NKAIN3: variants seen among roughly 807,000 people sequenced by gnomAD.
NKAIN3 encodes the protein sodium/potassium transporting ATPase interacting 3, also known as sodium/potassium-transporting ATPase subunit beta-1-interacting protein 3.
Under a neutral mutation model 30.2 loss-of-function variants are expected in NKAIN3, and 25 were observed. The observed-to-expected ratio is 0.83, with a 90% CI of 0.60 to 1.16. The LOEUF (loss-of-function observed/expected upper bound fraction) is 1.16. Among genes scored for constraint, NKAIN3 ranks in the 50% most tolerant of loss-of-function variants. The probability of loss-of-function intolerance (pLI) is 0.00; values close to 1 mark genes in which losing one functional copy is unlikely to be tolerated. For missense variants in NKAIN3, 225 were observed against 254.1 expected, an observed-to-expected ratio of 0.89 and a Z score of 0.78; for synonymous variants, 91 against 89.6, an observed-to-expected ratio of 1.02 and a Z score of -0.09.
intron 5 of NKAIN3, among the ~76,000 whole-genome samples, chr8:62,941,169 G>A (rs1011925890): frequency 6.6e-6 from 1 of 151,924 alleles, no homozygotes; most frequent in African/African-American, 2.4e-5. Context: ...ATAAATTCCT[G>A]GAAATATGCA....
intron 1 of NKAIN3, among the ~76,000 whole-genome samples, chr8:62,498,137 C>G (rs923629788): frequency 2.6e-5 from 4 of 151,988 alleles, no homozygotes; most frequent in African/African-American, 9.7e-5. Flanking sequence ...TAATATTTAG[C>G]CCAGATTGGT....
chr8:62,292,055 C>T (rs1473668984), intron 1 of NKAIN3, among the ~76,000 whole-genome samples: 10 of 152,128 alleles, frequency 6.6e-5, no homozygotes, highest in African/African-American at 2.4e-4. Flanking sequence ...ACTAGGATTA[C>T]AACCCCTGCT....
At chr8:62,500,453 GAAAGAAAGAAAGAA>G (rs1351318943) in intron 1 of NKAIN3, among the ~76,000 whole-genome samples, 3 of 119,468 alleles carry the variant, frequency 2.5e-5, no homozygotes, top group Non-Finnish European at 5.1e-5. Context: ...AAGAAAGAAA[GAAAGAAAGAAAGAA>G]AGAAAGAAAG....
At chr8:62,392,091 T>A (rs909206031) in intron 1 of NKAIN3, among the ~76,000 whole-genome samples, 1 of 151,910 alleles carries the variant, frequency 6.6e-6, no homozygotes, top group Admixed American at 6.6e-5. Context: ...AGAAACAAAA[T>A]TGACAAACTA....
chr8:62,870,733 CTATA>C (rs1194072621), intron 4 of NKAIN3, among the ~76,000 whole-genome samples: 1 of 140,240 alleles, frequency 7.1e-6, no homozygotes, highest in Non-Finnish European at 1.5e-5. Flanking sequence ...ATCTATATAT[CTATA>C]TATATCTAGA....
rs888395543 is a variant in NKAIN3, at chr8:62,952,231, T to C, written c.533-1671T>C. Among the ~76,000 whole-genome samples the C allele has an allele frequency of 5.9e-5, 9 of 152,174 alleles. No homozygotes were observed. The East Asian group carries it at 1.7e-3, about 29-fold the overall frequency. On this transcript the variant is annotated intron_variant, in intron 5 of 6. Transcript: ENST00000623646. ...ATTTTGTGGAAATAATACAATACAA[T>C]TTTTGTGAAGTACAACATATGGGTT...
At chr8:62,541,893 A>C (rs1466184174) in intron 1 of NKAIN3, among the ~76,000 whole-genome samples, 1 of 152,112 alleles carries the variant, frequency 6.6e-6, no homozygotes, top group Admixed American at 6.6e-5. Context: ...TTAAACTTTT[A>C]AAATGTCTTT....
At chr8:62,386,372 T>C (rs1395264572) in intron 1 of NKAIN3, among the ~76,000 whole-genome samples, 1 of 152,184 alleles carries the variant, frequency 6.6e-6, no homozygotes, top group Non-Finnish European at 1.5e-5. Flanking sequence ...TTTTCATAAA[T>C]AGTGACTATG....
intron 4 of NKAIN3, among the ~76,000 whole-genome samples, chr8:62,780,313 A>C (rs1465751164): frequency 6.6e-6 from 1 of 152,150 alleles, no homozygotes; most frequent in Non-Finnish European, 1.5e-5. Context: ...TCTCCCAACA[A>C]AGAAAAGTCC....
intron 1 of NKAIN3, among the ~76,000 whole-genome samples, chr8:62,515,145 C>T (rs932189507): frequency 2.6e-5 from 4 of 152,178 alleles, no homozygotes; most frequent in Non-Finnish European, 5.9e-5. Context: ...TTCACAAAAA[C>T]AAAATTATGC....
intron 3 of NKAIN3, among the ~76,000 whole-genome samples, chr8:62,646,541 C>A (rs1477206026): frequency 6.6e-6 from 1 of 152,080 alleles, no homozygotes; most frequent in East Asian, 1.9e-4. Context: ...AAATTTAATT[C>A]TTATGTTTCT....
chr8:62,315,993 T>A (rs879525884), intron 1 of NKAIN3, among the ~76,000 whole-genome samples: 3 of 152,170 alleles, frequency 2.0e-5, no homozygotes, highest in Admixed American at 2.0e-4. Context: ...GTTACCCCCT[T>A]GTTGCTGTTC....
intron 1 of NKAIN3, among the ~76,000 whole-genome samples, chr8:62,343,208 A>G (rs146404513): frequency 4.6e-5 from 7 of 152,150 alleles, no homozygotes; most frequent in Non-Finnish European, 8.8e-5. Context: ...TACCCTGGGC[A>G]ATTTACCTAA....
At chr8:62,361,392 C>G (rs1009218412) in intron 1 of NKAIN3, among the ~76,000 whole-genome samples, 1 of 152,190 alleles carries the variant, frequency 6.6e-6, no homozygotes, top group Admixed American at 6.5e-5. Flanking sequence ...TTCCTTCCTT[C>G]CACTAATAGC....
rs904435741 is a variant in NKAIN3, at chr8:62,969,934, C to T, written c.*4527C>T. 3.3e-5 allele frequency among the ~76,000 whole-genome samples: 5 copies of T among 152,124 alleles called. No homozygotes were observed. The highest frequency in any genetic ancestry group is 6.6e-5 in the Admixed American group (1 of 15,258). On this transcript the variant is annotated 3_prime_UTR_variant, in exon 7 of 7. Transcript: ENST00000623646. The stretch of plus-strand genomic sequence containing the variant: ...AGATGACCAGACACAGTGGCTCATG[C>T]CTGTAATCCCAAAGCTTTGGGAAGT...
rs550405750 is a variant in NKAIN3, at chr8:62,433,808, A to G, written c.55-145731A>G. Among the ~76,000 whole-genome samples, 46 of 152,278 alleles carry G rather than the reference A, an allele frequency of 3.0e-4. 1 individual carries two copies. The highest frequency in any genetic ancestry group is 1.1e-3 in the African/African-American group (45 of 41,574). On this transcript the variant is annotated intron_variant, in intron 1 of 6. Coordinates refer to ENST00000623646, the MANE Select transcript of NKAIN3 (RefSeq NM_001304533.3). ...GGAAACTTCCCTGGCATAAATATCT[A>G]TAGCTACCCCTTTCTGTGGTTTTTA...
At chr8:62,305,787 T>C (rs539050498) in intron 1 of NKAIN3, among the ~76,000 whole-genome samples, 9 of 150,414 alleles carry the variant, frequency 6.0e-5, no homozygotes, top group Non-Finnish European at 1.0e-4. Flanking sequence ...TTTATGGTCA[T>C]TGGGTATGTG....
intron 1 of NKAIN3, among the ~76,000 whole-genome samples, chr8:62,534,637 C>G (rs572554235): frequency 6.6e-6 from 1 of 152,110 alleles, no homozygotes; most frequent in Non-Finnish European, 1.5e-5. Context: ...AATCAGAGTA[C>G]TGGGCCCCAC....
intron 3 of NKAIN3, among the ~76,000 whole-genome samples, chr8:62,711,814 C>G (rs1177089936): frequency 6.6e-6 from 1 of 152,070 alleles, no homozygotes; most frequent in Non-Finnish European, 1.5e-5. Flanking sequence ...GTTAAATAGC[C>G]TTGTTTTTCA....
Sources: gnomAD v4.1 joint callset for allele counts (sites outside exome capture counted in the v4.1 genomes callset) on GRCh38, gnomAD v4.1.1 for gene constraint, MANE v1.5 for transcripts, NCBI Gene and HGNC (gene_info 2026-07-23, HGNC 2026-07-21) for gene names.